Variants in TOP2A observed in about 807,000 individuals in gnomAD.
TOP2A encodes the protein DNA topoisomerase 2-alpha.
In TOP2A, 68 loss-of-function variants were observed where a neutral mutation model predicts 187.2. That is an observed-to-expected ratio of 0.36 (90% CI 0.30 to 0.44). The LOEUF (loss-of-function observed/expected upper bound fraction) is 0.44. Ranked by LOEUF, TOP2A falls within the 20% of genes least tolerant of loss-of-function variation. The pLI, the probability that TOP2A is intolerant of heterozygous loss-of-function variation, is 1.00. For synonymous variants in TOP2A, 542 were observed against 593.2 expected (o/e 0.91, Z 1.25); for missense variants, 1,196 against 1,808.7 (o/e 0.66, Z 6.14).
chr17:40,390,405 G>C (rs1258968962), intron 33 of TOP2A, among the ~76,000 whole-genome samples: 2 of 152,018 alleles, frequency 1.3e-5, no homozygotes, highest in East Asian at 3.9e-4. Context: ...GGTCAAGCTG[G>C]TCTCAAACTC....
intron 28 of TOP2A, among the ~76,000 whole-genome samples, 173 bp downstream of exon 28, chr17:40,396,110 G>GA (rs1397993488): frequency 1.3e-5 from 2 of 151,420 alleles, no homozygotes; most frequent in African/African-American, 4.9e-5. Flanking sequence ...CTCCCGAGTA[G>GA]CTGGGATTAC....
intron 13 of TOP2A, 138 bp from the exon 14 acceptor site, chr17:40,407,080 A>G (rs2035257149): frequency 1.2e-5 from 7 of 590,270 alleles, no homozygotes; most frequent in South Asian, 9.4e-5. Flanking sequence ...CCTGGCCAAC[A>G]TGGTGAAACC....
intron 29 of TOP2A, among the ~76,000 whole-genome samples, chr17:40,394,764 C>T (rs2035068428): frequency 6.6e-6 from 1 of 152,170 alleles, no homozygotes; most frequent in Non-Finnish European, 1.5e-5. Context: ...ATTGAGTGGA[C>T]ATTATTTATA....
chr17:40,408,894 T>C (rs890827255), intron 10 of TOP2A: 4 of 566,676 alleles, frequency 7.1e-6, no homozygotes, highest in African/African-American at 5.6e-5. Context: ...GTTGGAGATA[T>C]AGTGGTTAAA....
intron 7 of TOP2A, among the ~76,000 whole-genome samples, chr17:40,412,139 T>C (rs1043394390): frequency 3.9e-5 from 6 of 152,118 alleles, no homozygotes; most frequent in African/African-American, 7.2e-5. Context: ...CAGGCTGTAG[T>C]GAGCCGTGAT....
At position 40,401,010 on chromosome 17, in the gene TOP2A, C is replaced by A. The variant is rs750801789; in HGVS notation, c.2504G>T (p.Arg835Leu). 11 of 1,613,818 alleles carry A rather than the reference C, an allele frequency of 6.8e-6. No individual in the cohort carries two copies. The African/African-American group carries it at 8.0e-5, about 12-fold the overall frequency. Residue 835 changes from arginine (R) to leucine (L), a missense_variant, in exon 21 of 35, where the codon CGT becomes CTT. Transcript: ENST00000423485. The part of the protein sequence containing the change: ...TLKFLYDDNQ[R>L]VEPEWYIPII... ...AGGAATGTACCATTCAGGCTCAACA[C>A]GCTGGTTGTCATCATATAAAAACTT...
At chr17:40,408,976 C>A in intron 10 of TOP2A, 1 of 429,806 alleles carries the variant, frequency 2.3e-6, no homozygotes, top group Non-Finnish European at 4.5e-6. Context: ...GGGCAGAACA[C>A]CTGAGGTCAG....
intron 13 of TOP2A, among the ~76,000 whole-genome samples, 174 bp from the exon 14 acceptor site, chr17:40,407,116 T>A (rs1052646453): frequency 6.6e-6 from 1 of 151,970 alleles, no homozygotes; most frequent in African/African-American, 2.4e-5. Flanking sequence ...ATACAAAAAT[T>A]AGTTGGGTGT....
intron 27 of TOP2A, among the ~76,000 whole-genome samples, chr17:40,398,215 C>G (rs2035127567): frequency 6.9e-6 from 1 of 144,860 alleles, no homozygotes; most frequent in Admixed American, 7.1e-5. Flanking sequence ...TCGGTTCAAG[C>G]AATTCTCCTG....
In TOP2A at chr17:40,411,792, G is replaced by A. The variant is rs779790543; in HGVS notation, c.816C>T (p.Asp272=). 1 of 1,599,362 alleles carries A rather than the reference G, an allele frequency of 6.3e-7. No individual in the cohort carries two copies. Among genetic ancestry groups the A allele is most frequent in the Non-Finnish European group, 8.5e-7 (1 of 1,175,752 alleles). Residue 272 remains aspartate, a synonymous_variant, in exon 8 of 35, where the codon GAC becomes GAT. Coordinates refer to ENST00000423485, the MANE Select transcript of TOP2A (RefSeq NM_001067.4). The surrounding 1 kb of genome is among the most constrained non-coding windows in gnomAD (Gnocchi z 4.4). ...LPVKGFRSYV[D]MYLKDKLDET... ...CATCCAACTTGTCCTTCAAATACAT[G>A]TCCACATAACTACGAAATCCTTTTA...
At chr17:40,405,011 G>A (rs371609626) in intron 16 of TOP2A, 128 bp from the exon 17 acceptor site, 20 of 599,016 alleles carry the variant, frequency 3.3e-5, no homozygotes, top group African/African-American at 5.8e-5. Context: ...TTTTTGAGAC[G>A]GGAGTTACTG....
In TOP2A at chr17:40,406,731, G is replaced by C. The variant is rs766469196; in HGVS notation, c.1738-42C>G. 13 of 1,585,064 alleles carry C rather than the reference G, an allele frequency of 8.2e-6. No individual in the cohort carries two copies. In the African/African-American group the frequency reaches 1.6e-4, roughly 20 times the overall value. On this transcript the variant is annotated intron_variant, in intron 14 of 34. Coordinates refer to ENST00000423485, the MANE Select transcript of TOP2A (RefSeq NM_001067.4). ...TGACTGTGGCTTTGTACACTGTGGG[G>C]TCCCCTGTATACCACTACATGTGAC...
At position 40,400,909 on chromosome 17, in the gene TOP2A, C is replaced by T. The variant is rs1342403147; in HGVS notation, c.2605G>A (p.Val869Met). ...GWSCKIPNFD[V>M]REIVNNIRRL... ...CTGATGTTATTTACAATTTCACGCA[C>T]ATCAAAGTTGGGGATTTTGCAGGAC... The change falls in exon 21 of 35, where the codon GTG becomes ATG. Residue 869 changes from valine to methionine, a missense_variant. Val to Met is a conservative substitution (Grantham distance 21, BLOSUM62 1). Around this residue, in one of 10 missense-constraint regions of TOP2A, gnomAD observed 232 missense variants for 306.1 expected, o/e 0.76. Coordinates refer to ENST00000423485, the MANE Select transcript of TOP2A (RefSeq NM_001067.4). 1.9e-6 allele frequency: 3 copies of T among 1,613,856 alleles called. No individual in the cohort carries two copies. The highest frequency in any genetic ancestry group is 1.3e-5 in the African/African-American group (1 of 74,908).
chr17:40,399,493 G>A (rs933496544), intron 24 of TOP2A, among the ~76,000 whole-genome samples: 7 of 150,592 alleles, frequency 4.6e-5, no homozygotes, highest in Non-Finnish European at 7.4e-5. Context: ...GAAGCCATTC[G>A]TAATCTTCCT....
At chr17:40,409,370 T>C in intron 10 of TOP2A, 1 of 411,734 alleles carries the variant, frequency 2.4e-6, no homozygotes, top group Non-Finnish European at 4.7e-6. Context: ...TGAGAAGCTG[T>C]CTCCAAAAAA....
chr17:40,392,061 T>C lies in TOP2A; in HGVS notation c.4132+7A>G. 6.2e-7 allele frequency: 1 copy of C among 1,611,576 alleles called. No homozygotes were observed. Among genetic ancestry groups the C allele is most frequent in the Non-Finnish European group, 8.5e-7 (1 of 1,179,096 alleles). ...AGATGTCTCACTACTTTTACTTAAA[T>C]ACATACCTGACACGACACTTTTCTG... is the stretch of plus-strand genomic sequence containing the variant. On this transcript the variant is annotated splice_region_variant and intron_variant, in intron 32 of 34. Transcript: ENST00000423485.
rs2035172895 is a variant in TOP2A, at chr17:40,400,945, C to T, written c.2569G>A (p.Gly857Ser). The change falls in exon 21 of 35, where the codon GGT becomes AGT. Residue 857 changes from glycine (G) to serine (S), a missense_variant. By Grantham distance (56) the Gly-to-Ser change is moderately conservative. Coordinates refer to ENST00000423485, the MANE Select transcript of TOP2A (RefSeq NM_001067.4). ...GGGATTTTGCAGGACCACCCAGTAC[C>T]GATTCCTTCAGCACCATTTATCAGC... The part of the protein sequence containing the change: ...MVLINGAEGI[G>S]TGWSCKIPNF... The T allele has an allele frequency of 6.2e-7, 1 of 1,613,924 alleles. No individual in the cohort carries two copies. The highest frequency in any genetic ancestry group is 1.3e-5 in the African/African-American group (1 of 75,024).
At chr17:40,407,871 A>G in intron 12 of TOP2A, 96 bp downstream of exon 12, 2 of 1,371,918 alleles carry the variant, frequency 1.5e-6, no homozygotes, top group South Asian at 1.4e-5. Context: ...ATTGTCTAAA[A>G]TATATTTTAA....
At position 40,411,122 on chromosome 17, in the gene TOP2A, T is replaced by C; in HGVS notation, c.1190A>G (p.Lys397Arg). 1 of 1,604,394 alleles carries C rather than the reference T, an allele frequency of 6.2e-7. No individual in the cohort carries two copies. Residue 397 changes from lysine to arginine, a missense_variant, in exon 10 of 35, where the codon AAA becomes AGA. Lys to Arg is a conservative substitution (Grantham distance 26). This residue lies in a region of TOP2A where 252 missense variants were observed against 434.8 expected (regional missense o/e 0.58). Transcript: ENST00000423485. This position sits in a 1 kb window ranked among gnomAD's most constrained non-coding sequence, Gnocchi z 4.4. ...SFGSTCQLSE[K>R]FIKAAIGCGI... is the part of the protein sequence containing the mutation. ...CTAAGTACTCACAGCTTTGATAAAT[T>C]TTTCACTCAATTGGCATGTTGATCC...
Sources: allele counts gnomAD v4.1 joint callset (sites outside exome capture counted in the v4.1 genomes callset), GRCh38; gene constraint gnomAD v4.1.1; regional missense constraint gnomAD v4.1.1; non-coding constraint Gnocchi (gnomAD v3.1); transcripts MANE v1.5; gene names NCBI Gene and HGNC (gene_info 2026-07-23, HGNC 2026-07-21).